NUP205: variants seen among roughly 807,000 people sequenced by gnomAD.
The protein encoded by NUP205 is nuclear pore complex protein Nup205.
A neutral mutation model predicts 253.8 loss-of-function variants in NUP205; 76 were observed. The ratio of observed to expected loss-of-function variants is 0.30; its 90% CI spans 0.25 to 0.36. The LOEUF is 0.36. Among genes scored for constraint, NUP205 ranks in the 10% least tolerant of loss-of-function variants. The probability of loss-of-function intolerance (pLI) is 1.00; values close to 1 mark genes in which losing one functional copy is unlikely to be tolerated. For synonymous variants in NUP205, 832 were observed against 850.1 expected (o/e 0.98, Z 0.37); for missense variants, 2,162 against 2,425.5 (o/e 0.89, Z 2.28).
intron 7 of NUP205, among the ~76,000 whole-genome samples, chr7:135,583,644 C>T (rs766470896): frequency 1.3e-5 from 2 of 152,002 alleles, no homozygotes; most frequent in Non-Finnish European, 2.9e-5. Flanking sequence ...CCTATAATCC[C>T]AGCTACTTGG....
intron 1 of NUP205, among the ~76,000 whole-genome samples, chr7:135,558,679 G>T (rs530679745): frequency 7.9e-5 from 12 of 152,284 alleles, no homozygotes; most frequent in African/African-American, 2.6e-4. Context: ...AGTGCATTTT[G>T]ATTGTCATAT....
intron 6 of NUP205, 144 bp downstream of exon 6, chr7:135,578,168 A>G (rs1272250902): frequency 6.7e-6 from 4 of 595,344 alleles, no homozygotes; most frequent in South Asian, 2.2e-5. Context: ...GAATATTTAT[A>G]TATAAGATCA....
intron 17 of NUP205, 76 bp from the exon 18 acceptor site, chr7:135,602,729 G>A: frequency 8.4e-7 from 1 of 1,188,486 alleles, no homozygotes; most frequent in Non-Finnish European, 1.2e-6. Context: ...CTTGTCATTT[G>A]TCTTGTTTTC....
In NUP205 at chr7:135,591,503, T is replaced by C; in HGVS notation, c.1527T>C (p.Ile509=). 1.2e-6 allele frequency: 2 copies of C among 1,614,072 alleles called. No individual in the cohort carries two copies. The highest frequency in any genetic ancestry group is 1.7e-6 in the Non-Finnish European group (2 of 1,179,910). The change falls in exon 11 of 43, where the codon ATT becomes ATC. Residue 509 remains isoleucine (I), a synonymous_variant. Transcript: ENST00000285968. ...TGGGTGACCTGTTGCCTCCAACTAT[T>C]TATATTCCTTATTTGAAGATGCTCC... ...RQMGDLLPPT[I]YIPYLKMLQG...
Position 135,617,093 on chromosome 7 carries a change from G to T in NUP205, c.3536G>T (p.Arg1179Leu). ...FLHFDTATKV[R>L]RKILNILDSI... is the part of the protein sequence containing the mutation. ...AATTACTTTTTATTATTTCTAGTAC[G>T]TCGAAAAATTCTAAATATTCTTGAC... Residue 1179 changes from arginine to leucine, a missense_variant, in exon 26 of 43, where the codon CGT (arginine) becomes CTT (leucine). Coordinates refer to ENST00000285968, the MANE Select transcript of NUP205 (RefSeq NM_015135.3). 1.2e-6 allele frequency: 2 copies of T among 1,604,902 alleles called. No homozygotes were observed. Among genetic ancestry groups the T allele is most frequent in the Non-Finnish European group, 1.7e-6 (2 of 1,176,226 alleles).
intron 39 of NUP205, among the ~76,000 whole-genome samples, chr7:135,644,642 A>G (rs1283251168): frequency 6.6e-6 from 1 of 152,224 alleles, no homozygotes; most frequent in Admixed American, 6.5e-5. Flanking sequence ...TCAGGGTTTC[A>G]TCAGCAACCC....
Position 135,607,337 on chromosome 7 carries a change from G to T in NUP205, c.3161G>T (p.Arg1054Leu). 1 of 1,613,992 alleles carries T rather than the reference G, an allele frequency of 6.2e-7. No individual in the cohort carries two copies. The highest frequency in any genetic ancestry group is 1.1e-5 in the South Asian group (1 of 91,056). ...TEGRTGPVAV[R>L]ESPQLAELCY... Reference sequence around the variant, plus strand: ...GGGAGAACAGGCCCAGTGGCGGTGCGAGAATCTCCTCAGCTGGCTGAGCTA... The same window carrying T: ...GGGAGAACAGGCCCAGTGGCGGTGCTAGAATCTCCTCAGCTGGCTGAGCTA... Residue 1054 changes from arginine to leucine, a missense_variant, in exon 22 of 43, where the codon CGA becomes CTA. Arg to Leu is a moderately radical substitution (Grantham distance 102). Coordinates refer to ENST00000285968, the MANE Select transcript of NUP205 (RefSeq NM_015135.3).
intron 30 of NUP205, among the ~76,000 whole-genome samples, chr7:135,622,390 T>A (rs2129491563): frequency 7.0e-6 from 1 of 143,210 alleles, no homozygotes; most frequent in African/African-American, 2.6e-5. Flanking sequence ...GCCACTGCAC[T>A]CCAGCCTGGA....
chr7:135,603,046 C>T (rs1237749914), intron 18 of NUP205, 52 bp downstream of exon 18: 54 of 1,317,382 alleles, frequency 4.1e-5, no homozygotes, highest in South Asian at 2.6e-4. Context: ...GACATTCTAG[C>T]TTTGATTTTC....
intron 38 of NUP205, among the ~76,000 whole-genome samples, chr7:135,640,078 G>A (rs954746498): frequency 1.2e-4 from 18 of 152,280 alleles, no homozygotes; most frequent in South Asian, 8.3e-4. Flanking sequence ...GGCAAGGGGA[G>A]GGATAGCATT....
At chr7:135,570,095 A>G (rs1174333219) in intron 1 of NUP205, among the ~76,000 whole-genome samples, 1 of 147,106 alleles carries the variant, frequency 6.8e-6, no homozygotes, top group African/African-American at 2.5e-5. Flanking sequence ...AGAGAGAGAG[A>G]AACTGAAGTT....
At chr7:135,633,742 C>T (rs1794758010) in intron 35 of NUP205, among the ~76,000 whole-genome samples, 1 of 152,194 alleles carries the variant, frequency 6.6e-6, no homozygotes, top group Non-Finnish European at 1.5e-5. Flanking sequence ...TGAACCCGGC[C>T]CCATTTTTGT....
chr7:135,571,567 A>G (rs1346742412), intron 2 of NUP205, among the ~76,000 whole-genome samples: 1 of 151,894 alleles, frequency 6.6e-6, no homozygotes, highest in Non-Finnish European at 1.5e-5. Flanking sequence ...ACTTTTTTTA[A>G]TTTTTAATTT....
chr7:135,564,534 C>A (rs1805692610), intron 1 of NUP205, among the ~76,000 whole-genome samples: 1 of 151,516 alleles, frequency 6.6e-6, no homozygotes, highest in Admixed American at 6.6e-5. Flanking sequence ...AGGCATGAGT[C>A]ACCACGCCCG....
At chr7:135,630,664 C>T (rs1427314056) in intron 35 of NUP205, among the ~76,000 whole-genome samples, 194 bp downstream of exon 35, 1 of 152,106 alleles carries the variant, frequency 6.6e-6, no homozygotes, top group Non-Finnish European at 1.5e-5. Context: ...TGGCTCATGC[C>T]TGTGATCTCA....
intron 35 of NUP205, among the ~76,000 whole-genome samples, chr7:135,633,191 T>G (rs1378576655): frequency 6.6e-6 from 1 of 152,068 alleles, no homozygotes; most frequent in Non-Finnish European, 1.5e-5. Flanking sequence ...CTCGAACTCC[T>G]GGCCTCAAGC....
At chr7:135,645,076 C>A in intron 40 of NUP205, 58 bp downstream of exon 40, 3 of 1,583,026 alleles carry the variant, frequency 1.9e-6, no homozygotes, top group Non-Finnish European at 2.6e-6. Flanking sequence ...GAACTGTTCA[C>A]TTATTCTCAT....
rs73452466 is a variant in NUP205, at chr7:135,622,545, A to G, written c.4331-232A>G. On this transcript the variant is annotated intron_variant, in intron 30 of 42. Transcript: ENST00000285968. ...AATGATTTATCCTTTTCCAGGTACAATTATTATCTTAGTGTTATGAAACAT... is the reference window on the plus strand; with the variant it reads ...AATGATTTATCCTTTTCCAGGTACAGTTATTATCTTAGTGTTATGAAACAT... 0.041 allele frequency among the ~76,000 whole-genome samples: 6,284 copies of G among 152,166 alleles called. 449 individuals carry two copies. Among genetic ancestry groups the G allele is most frequent in the African/African-American group, 0.14 (5,937 of 41,496 alleles).
intron 7 of NUP205, among the ~76,000 whole-genome samples, chr7:135,579,815 T>A (rs1420924971): frequency 2.0e-5 from 3 of 152,086 alleles, no homozygotes; most frequent in Non-Finnish European, 2.9e-5. Flanking sequence ...CGGCTAATCT[T>A]TTGTATTTTT....
Sources: allele counts gnomAD v4.1 joint callset (sites outside exome capture counted in the v4.1 genomes callset), GRCh38; gene constraint gnomAD v4.1.1; transcripts MANE v1.5; gene names NCBI Gene and HGNC (gene_info 2026-07-23, HGNC 2026-07-21).